COX7B2: variants seen among roughly 807,000 people sequenced by gnomAD.
The protein encoded by COX7B2 is cytochrome c oxidase subunit 7B2, also known as cytochrome c oxidase subunit 7B2, mitochondrial.
For missense variants in COX7B2, 109 were observed against 95.9 expected (o/e 1.14, Z -0.57); for synonymous variants, 37 against 32.1 (o/e 1.15, Z -0.51).
chr4:46,818,480 C>CA (rs60319822), intron 2 of COX7B2, among the ~76,000 whole-genome samples: 3,048 of 151,674 alleles, frequency 0.02, 94 homozygotes, highest in African/African-American at 0.069. Context: ...AAAAAAAATA[C>CA]AAAAAAATTA....
intron 2 of COX7B2, among the ~76,000 whole-genome samples, chr4:46,833,398 G>C (rs796988691): frequency 1.3e-5 from 2 of 152,210 alleles, no homozygotes; most frequent in Non-Finnish European, 2.9e-5. Context: ...GTTAGAAATA[G>C]AGATATAAAT....
intron 2 of COX7B2, among the ~76,000 whole-genome samples, chr4:46,764,709 C>T (rs1716424360): frequency 2.7e-5 from 4 of 147,794 alleles, no homozygotes; most frequent in Admixed American, 1.3e-4. Context: ...AGAATATTTG[C>T]ATGTGGTTGA....
At chr4:46,900,681 G>C (rs1476900488) in intron 1 of COX7B2, among the ~76,000 whole-genome samples, 1 of 152,100 alleles carries the variant, frequency 6.6e-6, no homozygotes, top group Non-Finnish European at 1.5e-5. Context: ...CCTTTGATAG[G>C]TCACCCTCAT....
chr4:46,874,562 G>A (rs1431328043), intron 1 of COX7B2, among the ~76,000 whole-genome samples: 1 of 152,024 alleles, frequency 6.6e-6, no homozygotes. Context: ...TCTCTTGTGT[G>A]GTTTTTTTTG....
chr4:46,781,260 G>A (rs867260605), intron 2 of COX7B2, among the ~76,000 whole-genome samples: 15 of 151,978 alleles, frequency 9.9e-5, no homozygotes, highest in African/African-American at 2.7e-4. Context: ...ACTGCTATTC[G>A]GATAATAGAC....
chr4:46,860,669 C>G (rs1208655561), intron 1 of COX7B2, among the ~76,000 whole-genome samples: 1 of 152,158 alleles, frequency 6.6e-6, no homozygotes, highest in Non-Finnish European at 1.5e-5. Context: ...ATCATCATTG[C>G]CCCTTCTCTA....
intron 2 of COX7B2, among the ~76,000 whole-genome samples, chr4:46,780,512 G>A (rs115299346): frequency 1.8e-4 from 27 of 152,184 alleles, no homozygotes; most frequent in African/African-American, 2.4e-4. Context: ...GAGAGACTAC[G>A]TCTCAAAAAG....
chr4:46,744,246 T>C (rs1714887045), intron 2 of COX7B2, among the ~76,000 whole-genome samples: 1 of 152,018 alleles, frequency 6.6e-6, no homozygotes, highest in African/African-American at 2.4e-5. Context: ...GATCCCCGCA[T>C]CCAGACAATG....
intron 2 of COX7B2, among the ~76,000 whole-genome samples, chr4:46,815,955 A>G (rs980879836): frequency 6.6e-6 from 1 of 152,190 alleles, no homozygotes; most frequent in Admixed American, 6.5e-5. Context: ...CCACAAGAGG[A>G]CCACAAACAC....
intron 2 of COX7B2, among the ~76,000 whole-genome samples, chr4:46,805,959 T>C (rs2109644454): frequency 6.6e-6 from 1 of 152,330 alleles, no homozygotes; most frequent in East Asian, 1.9e-4. Context: ...GGATTTTTTC[T>C]TCTTCCTTTA....
intron 2 of COX7B2, among the ~76,000 whole-genome samples, chr4:46,832,812 T>C (rs2109732748): frequency 6.6e-6 from 1 of 152,190 alleles, no homozygotes; most frequent in South Asian, 2.1e-4. Flanking sequence ...TAGCTCCCCT[T>C]CGCCTTCTGC....
intron 2 of COX7B2, among the ~76,000 whole-genome samples, chr4:46,818,303 G>A (rs1270149906): frequency 2.6e-5 from 4 of 152,128 alleles, no homozygotes; most frequent in Non-Finnish European, 5.9e-5. Flanking sequence ...TCAGAGAATT[G>A]CAGTGAACTT....
At chr4:46,891,284 A>T (rs1363252951) in intron 1 of COX7B2, among the ~76,000 whole-genome samples, 2 of 152,202 alleles carry the variant, frequency 1.3e-5, no homozygotes, top group Non-Finnish European at 2.9e-5. Flanking sequence ...GATTCAAGGA[A>T]TAAATAGAAC....
chr4:46,791,135 AC>A (rs1482829924), intron 2 of COX7B2, among the ~76,000 whole-genome samples: 4 of 151,124 alleles, frequency 2.6e-5, no homozygotes, highest in African/African-American at 9.7e-5. Context: ...AGTAGCTGGG[AC>A]TACAGGCGCC....
At chr4:46,770,623 A>G (rs1275771871) in intron 2 of COX7B2, among the ~76,000 whole-genome samples, 3 of 151,852 alleles carry the variant, frequency 2.0e-5, no homozygotes, top group Non-Finnish European at 4.4e-5. Context: ...ATAAAAACAG[A>G]TATATAGACC....
At chr4:46,865,545 C>T (rs1436966675) in intron 1 of COX7B2, among the ~76,000 whole-genome samples, 1 of 152,112 alleles carries the variant, frequency 6.6e-6, no homozygotes, top group African/African-American at 2.4e-5. Flanking sequence ...CAATTTTTCT[C>T]TTCTTCTTGA....
At chr4:46,849,742 T>C (rs995354969) in intron 1 of COX7B2, among the ~76,000 whole-genome samples, 1 of 152,074 alleles carries the variant, frequency 6.6e-6, no homozygotes, top group Non-Finnish European at 1.5e-5. Flanking sequence ...AACGTGCAGG[T>C]TAGTTACACA....
chr4:46,888,938 A>C (rs1719254820), intron 1 of COX7B2, among the ~76,000 whole-genome samples: 1 of 152,110 alleles, frequency 6.6e-6, no homozygotes, highest in Admixed American at 6.5e-5. Flanking sequence ...TGCTGCAATG[A>C]TTATGTATTA....
rs865950597 is a variant in COX7B2, at chr4:46,767,833, A to T, written c.-49-32592T>A. ...AAAACTTCTGATATTCAATAAAATC[A>T]GTTCTAAACTAAGAGTTTATAGTGA... On this transcript the variant is annotated intron_variant, in intron 2 of 2. Coordinates refer to ENST00000355591, the MANE Select transcript of COX7B2 (RefSeq NM_130902.3). Among the ~76,000 whole-genome samples the T allele has an allele frequency of 2.6e-5, 4 of 152,380 alleles. No individual in the cohort carries two copies. In the Middle Eastern group the frequency reaches 0.01, roughly 389 times the overall value.
Sources: allele counts gnomAD v4.1 joint callset (sites outside exome capture counted in the v4.1 genomes callset), GRCh38; gene constraint gnomAD v4.1.1; transcripts MANE v1.5; gene names NCBI Gene and HGNC (gene_info 2026-07-23, HGNC 2026-07-21).